The following KIF26B variants were observed in gnomAD, a reference collection of about 807,000 sequenced individuals.
KIF26B encodes kinesin-like protein KIF26B.
Under a neutral mutation model 151.2 loss-of-function variants are expected in KIF26B, and 63 were observed. That is an observed-to-expected ratio of 0.42 (90% CI 0.34 to 0.51). KIF26B has a LOEUF of 0.51. KIF26B is among the 20% of genes least tolerant of loss of function. The pLI, the probability that KIF26B is intolerant of heterozygous loss-of-function variation, is 0.07. For missense variants in KIF26B, 2,813 were observed against 2,913.6 expected (o/e 0.97, Z 0.79); for synonymous variants, 1,357 against 1,262.1 (o/e 1.08, Z -1.59).
intron 5 of KIF26B, among the ~76,000 whole-genome samples, chr1:245,599,803 A>G (rs1052556829): frequency 2.0e-5 from 3 of 152,150 alleles, no homozygotes; most frequent in African/African-American, 7.2e-5. Context: ...TGGAACTGAA[A>G]TCAGACCTTA....
At position 245,239,529 on chromosome 1, in the gene KIF26B, A is replaced by G. The variant is rs1670174302; in HGVS notation, c.465+82846A>G. Reference sequence around the variant, plus strand: ...GGGTTTTCATTGTTGTTTTAGACAGAGTCTCTCTCTGTCGCCCAGGCTGGA... The same window carrying G: ...GGGTTTTCATTGTTGTTTTAGACAGGGTCTCTCTCTGTCGCCCAGGCTGGA... On this transcript the variant is annotated intron_variant, in intron 2 of 14. Coordinates refer to ENST00000407071, the MANE Select transcript of KIF26B (RefSeq NM_018012.4). This position sits in a 1 kb window ranked among gnomAD's most constrained non-coding sequence, Gnocchi z 4.3. Among the ~76,000 whole-genome samples, 1 of 152,104 alleles carries G rather than the reference A, an allele frequency of 6.6e-6. No individual in the cohort carries two copies. Among genetic ancestry groups the G allele is most frequent in the African/African-American group, 2.4e-5 (1 of 41,436 alleles).
chr1:245,242,087 G>A (rs548262814), intron 2 of KIF26B, among the ~76,000 whole-genome samples: 21 of 152,154 alleles, frequency 1.4e-4, no homozygotes, highest in Non-Finnish European at 2.8e-4. Context: ...CAAAGCTCAC[G>A]TTATTTTTAA....
chr1:245,536,802 C>A (rs1661495771), intron 4 of KIF26B, among the ~76,000 whole-genome samples: 1 of 152,174 alleles, frequency 6.6e-6, no homozygotes, highest in African/African-American at 2.4e-5. Context: ...CTGGGGTCCT[C>A]AGTTCTTTTC....
In KIF26B at chr1:245,156,282, G is replaced by A. The variant is rs1668429943; in HGVS notation, c.64G>A (p.Val22Met). The A allele has an allele frequency of 3.2e-6, 5 of 1,546,324 alleles. No homozygotes were observed. The highest frequency in any genetic ancestry group is 4.4e-6 in the Non-Finnish European group (5 of 1,145,878). The change falls in exon 2 of 15, where the codon GTG (valine) becomes ATG (methionine). Residue 22 changes from valine to methionine, a missense_variant and splice_region_variant. This residue lies in a region of KIF26B where 676 missense variants were observed against 688.1 expected (regional missense o/e 0.98). Transcript: ENST00000407071. Reference sequence around the variant, plus strand: ...TGACACCGGCGTGTCTTCCCCGCAGGTGAATGAAGTCTGCTCGCCCACCAA... The same window carrying A: ...TGACACCGGCGTGTCTTCCCCGCAGATGAATGAAGTCTGCTCGCCCACCAA... ...AVSTRGKKYG[V>M]NEVCSPTKPA...
chr1:245,369,195 G>GAGAGAGAGAGAGAGACAGACAGACAGAC (rs375330671), intron 3 of KIF26B, among the ~76,000 whole-genome samples: 9 of 129,618 alleles, frequency 6.9e-5, no homozygotes, highest in Non-Finnish European at 1.2e-4. Flanking sequence ...GAGAGAGAGA[G>GAGAGAGAGAGAGAGACAGACAGACAGAC]AGACAGACAG....
rs754118011 is a variant in KIF26B, at chr1:245,661,470, C to T, written c.2258+15190C>T. ...TCTGAGGACGCTGAGGAATGATTTA[C>T]ATACACTCACATATATATGTACACC... is the stretch of plus-strand genomic sequence containing the variant. On this transcript the variant is annotated intron_variant, in intron 10 of 14. Coordinates refer to ENST00000407071, the MANE Select transcript of KIF26B (RefSeq NM_018012.4). Among the ~76,000 whole-genome samples the T allele has an allele frequency of 5.3e-5, 8 of 151,826 alleles. 1 individual carries two copies. The highest frequency in any genetic ancestry group is 1.2e-4 in the Non-Finnish European group (8 of 67,942).
intron 2 of KIF26B, among the ~76,000 whole-genome samples, chr1:245,345,553 C>T (rs140315065): frequency 1.8e-3 from 279 of 151,180 alleles, no homozygotes; most frequent in Non-Finnish European, 3.2e-3. Context: ...ATCTGTGTCC[C>T]TGCCCACATC....
intron 4 of KIF26B, among the ~76,000 whole-genome samples, chr1:245,521,032 G>A (rs1286931616): frequency 1.3e-5 from 2 of 152,066 alleles, no homozygotes; most frequent in African/African-American, 4.8e-5. Context: ...GGACTGTGCT[G>A]TACCCGTTAA....
In KIF26B at chr1:245,251,460, C is replaced by T. The variant is rs186992488; in HGVS notation, c.465+94777C>T. 2.5e-3 allele frequency among the ~76,000 whole-genome samples: 381 copies of T among 152,198 alleles called. 1 individual carries two copies. Among genetic ancestry groups the T allele is most frequent in the African/African-American group, 8.3e-3 (345 of 41,526 alleles). Reference sequence around the variant, plus strand: ...CAGCAGTAATATCTGTCTTTTTCAACGCTTTATAATTTTAATATCATGCAA... The same window carrying T: ...CAGCAGTAATATCTGTCTTTTTCAATGCTTTATAATTTTAATATCATGCAA... On this transcript the variant is annotated intron_variant, in intron 2 of 14. Transcript: ENST00000407071.
chr1:245,189,691 A>G (rs1054147558), intron 2 of KIF26B, among the ~76,000 whole-genome samples: 1 of 146,884 alleles, frequency 6.8e-6, no homozygotes, highest in South Asian at 2.1e-4. Flanking sequence ...TGTGGCAGGG[A>G]GGAGACCTGT....
At position 245,381,798 on chromosome 1, in the gene KIF26B, G is replaced by A. The variant is rs550880344; in HGVS notation, c.999+14431G>A. The stretch of plus-strand genomic sequence containing the variant: ...GTTTCCGTGAATCTGACTGCTCTAT[G>A]TACCTCATATAAGTGGGATCACACA... On this transcript the variant is annotated intron_variant, in intron 3 of 14. Coordinates refer to ENST00000407071, the MANE Select transcript of KIF26B (RefSeq NM_018012.4). 2.6e-5 allele frequency among the ~76,000 whole-genome samples: 4 copies of A among 151,928 alleles called. No homozygotes were observed. The South Asian group carries it at 8.3e-4, about 32-fold the overall frequency.
At chr1:245,264,572 G>T in intron 2 of KIF26B, among the ~76,000 whole-genome samples, 1 of 149,964 alleles carries the variant, frequency 6.7e-6, no homozygotes, top group African/African-American at 2.5e-5. Flanking sequence ...CTAGATTATT[G>T]TTCTTAAAAA....
chr1:245,278,046 T>A (rs1202071811), intron 2 of KIF26B, among the ~76,000 whole-genome samples: 1 of 151,534 alleles, frequency 6.6e-6, no homozygotes. Context: ...ATACTGGGAG[T>A]GAGTAAAAGT....
chr1:245,548,286 A>G, intron 5 of KIF26B, among the ~76,000 whole-genome samples: 1 of 108,778 alleles, frequency 9.2e-6, no homozygotes, highest in African/African-American at 3.8e-5. Context: ...GTTGAACTTA[A>G]AAAAAAAAAT....
intron 2 of KIF26B, among the ~76,000 whole-genome samples, chr1:245,332,372 C>T (rs1198232674): frequency 6.6e-6 from 1 of 152,182 alleles, no homozygotes; most frequent in African/African-American, 2.4e-5. Context: ...CATTTCAGGT[C>T]AGAATGGGGG....
intron 4 of KIF26B, among the ~76,000 whole-genome samples, chr1:245,478,855 GA>G (rs1397009012): frequency 1.3e-5 from 2 of 151,792 alleles, no homozygotes; most frequent in African/African-American, 4.8e-5. Flanking sequence ...ACCAGGGTGG[GA>G]GCAGTGAAGG....
At position 245,625,568 on chromosome 1, in the gene KIF26B, A is replaced by T. The variant is rs181371320; in HGVS notation, c.2098+13592A>T. Among the ~76,000 whole-genome samples the T allele has an allele frequency of 5.0e-3, 759 of 152,306 alleles. 11 individuals are homozygous for T. The highest frequency in any genetic ancestry group is 0.017 in the African/African-American group (720 of 41,568). On this transcript the variant is annotated intron_variant, in intron 9 of 14. Coordinates refer to ENST00000407071, the MANE Select transcript of KIF26B (RefSeq NM_018012.4). ...TGATGCACGCATACAATGTGTGATG[A>T]TCAATCAGGGAATTTAGGAGATTCA... is the stretch of plus-strand genomic sequence containing the variant.
At chr1:245,650,975 C>T (rs2044009796) in intron 10 of KIF26B, among the ~76,000 whole-genome samples, 1 of 152,188 alleles carries the variant, frequency 6.6e-6, no homozygotes, top group South Asian at 2.1e-4. Context: ...CACTGAGACA[C>T]TTTGGGTCTC....
At chr1:245,635,510 C>T (rs2043825732) in intron 9 of KIF26B, among the ~76,000 whole-genome samples, 1 of 151,996 alleles carries the variant, frequency 6.6e-6, no homozygotes, top group South Asian at 2.1e-4. Context: ...CTTTCTTTTT[C>T]CCAGATCATT....
Sources: allele counts gnomAD v4.1 joint callset (sites outside exome capture counted in the v4.1 genomes callset), GRCh38; gene constraint gnomAD v4.1.1; regional missense constraint gnomAD v4.1.1; non-coding constraint Gnocchi (gnomAD v3.1); transcripts MANE v1.5; gene names NCBI Gene and HGNC (gene_info 2026-07-23, HGNC 2026-07-21).